ZHX2: variants seen among roughly 807,000 people sequenced by gnomAD.
ZHX2 encodes the protein zinc fingers and homeoboxes 2.
A neutral mutation model predicts 21.9 loss-of-function variants in ZHX2; 6 were observed. That is an observed-to-expected ratio of 0.27 (90% CI 0.15 to 0.54). The LOEUF is 0.54. ZHX2 is among the 20% of genes least tolerant of loss of function. The pLI, the probability that ZHX2 is intolerant of heterozygous loss-of-function variation, is 0.95. For synonymous variants in ZHX2, 434 were observed against 437.1 expected, an observed-to-expected ratio of 0.99 and a Z score of 0.09; for missense variants, 908 against 1,090.7, an observed-to-expected ratio of 0.83 and a Z score of 2.36.
intron 2 of ZHX2, among the ~76,000 whole-genome samples, chr8:122,881,208 T>C (rs1819707911): frequency 1.3e-5 from 2 of 152,194 alleles, no homozygotes; most frequent in Non-Finnish European, 2.9e-5. Flanking sequence ...AAAACCCCTC[T>C]AAGCACCTTG....
chr8:122,789,113 C>T (rs1051121517), intron 1 of ZHX2, among the ~76,000 whole-genome samples: 2 of 152,114 alleles, frequency 1.3e-5, no homozygotes, highest in Non-Finnish European at 2.9e-5. Context: ...AGAGTGGCCT[C>T]GCCAGCCAAT....
intron 1 of ZHX2, among the ~76,000 whole-genome samples, chr8:122,818,990 C>T (rs577207083): frequency 7.9e-5 from 12 of 152,306 alleles, no homozygotes; most frequent in Non-Finnish European, 1.3e-4. Flanking sequence ...AGGACCACAG[C>T]AAGAGTGAAG....
chr8:122,852,316 C>T lies in ZHX2; in HGVS notation c.-282-11161C>T, dbSNP rs778767019. Among the ~76,000 whole-genome samples the T allele has an allele frequency of 7.6e-4, 115 of 152,252 alleles. No homozygotes were observed. In the Middle Eastern group the frequency reaches 0.01, roughly 14 times the overall value. ...CCAGCTCTATCACTAAAATACCTTG[C>T]GGCTTTAAATAATAGTGACTCTTAT... is the stretch of plus-strand genomic sequence containing the variant. On this transcript the variant is annotated intron_variant, in intron 1 of 3. Transcript: ENST00000314393.
intron 1 of ZHX2, among the ~76,000 whole-genome samples, chr8:122,801,316 C>T (rs962307413): frequency 6.6e-6 from 1 of 152,122 alleles, no homozygotes; most frequent in African/African-American, 2.4e-5. Context: ...TGCAAATTTC[C>T]CATAATGACT....
At chr8:122,815,150 A>G (rs572826227) in intron 1 of ZHX2, among the ~76,000 whole-genome samples, 78 of 152,340 alleles carry the variant, frequency 5.1e-4, no homozygotes, top group African/African-American at 1.8e-3. Context: ...TCTTTCTGTT[A>G]TTATTTTTAT....
chr8:122,785,862 A>G (rs1415100186), intron 1 of ZHX2, among the ~76,000 whole-genome samples: 4 of 152,122 alleles, frequency 2.6e-5, no homozygotes, highest in Middle Eastern at 6.3e-3. Flanking sequence ...GCTGGCTTTT[A>G]ATCTCTAGGT....
chr8:122,829,894 CCT>C (rs1264791395), intron 1 of ZHX2, among the ~76,000 whole-genome samples: 1 of 152,168 alleles, frequency 6.6e-6, no homozygotes, highest in African/African-American at 2.4e-5. Flanking sequence ...GAAGTGGAGC[CCT>C]GTTGGTGATG....
chr8:122,808,612 TCA>T (rs1817866926), intron 1 of ZHX2: 2 of 152,164 alleles, frequency 1.3e-5, no homozygotes, highest in African/African-American at 4.8e-5. Flanking sequence ...GGGGACACAG[TCA>T]AACCATATCA....
rs1442080401 is a variant in ZHX2 at position 122,870,688 on chromosome 8, C to T, written c.-220+7149C>T. Among the ~76,000 whole-genome samples, 4 of 143,650 alleles carry T rather than the reference C, an allele frequency of 2.8e-5. No homozygotes were observed. The East Asian group carries it at 6.2e-4, about 22-fold the overall frequency. The allele number at this position is 143,650 out of a possible 152,430, so 94.2% of individuals were successfully genotyped here. A position where few individuals can be genotyped will look rare whatever the true frequency, so the allele number is the denominator to read the frequency against. On this transcript the variant is annotated intron_variant, in intron 2 of 3. Transcript: ENST00000314393. ...AAAAGAAAGAGAAAGATGAACTGGT[C>T]AGAGTGCAGATGGCACTGCAGGTAG...
At chr8:122,823,388 T>A (rs551745137) in intron 1 of ZHX2, among the ~76,000 whole-genome samples, 1 of 152,360 alleles carries the variant, frequency 6.6e-6, no homozygotes, top group South Asian at 2.1e-4. Context: ...CTCTCCATCT[T>A]CATGAACCCT....
At chr8:122,961,966 G>GTCACT (rs1813463094) in intron 3 of ZHX2, among the ~76,000 whole-genome samples, 1 of 152,156 alleles carries the variant, frequency 6.6e-6, no homozygotes, top group Non-Finnish European at 1.5e-5. Context: ...TTTTCTGTTG[G>GTCACT]GGCCCCACAT....
chr8:122,916,398 T>C (rs1399821979), intron 2 of ZHX2, among the ~76,000 whole-genome samples: 1 of 152,206 alleles, frequency 6.6e-6, no homozygotes, highest in Non-Finnish European at 1.5e-5. Flanking sequence ...GGAAGTTGCA[T>C]TGCATCCTGG....
chr8:122,927,120 A>G (rs578080734), intron 2 of ZHX2, among the ~76,000 whole-genome samples: 1 of 152,326 alleles, frequency 6.6e-6, no homozygotes, highest in South Asian at 2.1e-4. Flanking sequence ...CTAGTACAGC[A>G]CCTGGGACTG....
At chr8:122,834,466 TG>T (rs1427511593) in intron 1 of ZHX2, among the ~76,000 whole-genome samples, 1 of 152,112 alleles carries the variant, frequency 6.6e-6, no homozygotes, top group Admixed American at 6.5e-5. Flanking sequence ...AGGCGCCAGG[TG>T]GAGGTGGATT....
chr8:122,793,249 G>T (rs1184839685), intron 1 of ZHX2, among the ~76,000 whole-genome samples: 1 of 152,198 alleles, frequency 6.6e-6, no homozygotes, highest in East Asian at 1.9e-4. Context: ...GTCCCTATAG[G>T]TTGAGGGACA....
At chr8:122,894,291 C>T (rs1820045835) in intron 2 of ZHX2, among the ~76,000 whole-genome samples, 1 of 152,186 alleles carries the variant, frequency 6.6e-6, no homozygotes, top group Admixed American at 6.5e-5. Flanking sequence ...CCTGTACCAC[C>T]CAGTTTCCCA....
chr8:122,953,179 G>T lies in ZHX2; in HGVS notation c.1669G>T (p.Ala557Ser). 6 of 1,613,780 alleles carry T rather than the reference G, an allele frequency of 3.7e-6. No individual in the cohort carries two copies. Among genetic ancestry groups the T allele is most frequent in the Non-Finnish European group, 3.4e-6 (4 of 1,179,990 alleles). ...TTTGAAAAGTTCTTTTCCTACCCAA[G>T]CAGAACTGGATCGGCTAAGGGTGGA... Reference protein sequence around the residue: ...SFLKSSFPTQAELDRLRVETK... With the variant: ...SFLKSSFPTQSELDRLRVETK... Residue 557 changes from alanine to serine, a missense_variant, in exon 3 of 4, where the codon GCA becomes TCA. By Grantham distance (99) the Ala-to-Ser change is moderately conservative. This residue lies in a region of ZHX2 where 431 missense variants were observed against 428.6 expected (regional missense o/e 1.01). Transcript: ENST00000314393. The surrounding 1 kb of genome is among the most constrained non-coding windows in gnomAD (Gnocchi z 4.6).
intron 3 of ZHX2, among the ~76,000 whole-genome samples, chr8:122,972,244 C>T (rs944114066): frequency 6.6e-6 from 1 of 152,210 alleles, no homozygotes; most frequent in Admixed American, 6.5e-5. Context: ...TCTCTAAAGG[C>T]ATTTCTAATA....
At chr8:122,826,552 T>G (rs899481877) in intron 1 of ZHX2, among the ~76,000 whole-genome samples, 1 of 152,152 alleles carries the variant, frequency 6.6e-6, no homozygotes, top group Non-Finnish European at 1.5e-5. Flanking sequence ...GGGTCAGCCC[T>G]TTGAGGTTGC....
Sources: allele counts gnomAD v4.1 joint callset (sites outside exome capture counted in the v4.1 genomes callset), GRCh38; gene constraint gnomAD v4.1.1; regional missense constraint gnomAD v4.1.1; non-coding constraint Gnocchi (gnomAD v3.1); transcripts MANE v1.5; gene names NCBI Gene and HGNC (gene_info 2026-07-23, HGNC 2026-07-21).